The following TAF8 variants were observed in gnomAD, a reference collection of about 807,000 sequenced individuals.
TAF8 encodes the protein transcription initiation factor TFIID subunit 8.
Under a neutral mutation model 36.5 loss-of-function variants are expected in TAF8, and 47 were observed. The ratio of observed to expected loss-of-function variants is 1.29; its 90% CI spans 1.02 to 1.64. TAF8 has a LOEUF of 1.64. Ranked by LOEUF, TAF8 falls within the 40% of genes most tolerant of loss-of-function variation. TAF8 has a pLI of 0.00. For synonymous variants in TAF8, 175 were observed against 159.5 expected (o/e 1.10, Z -0.73); for missense variants, 420 against 407.6 (o/e 1.03, Z -0.26).
intron 5 of TAF8, among the ~76,000 whole-genome samples, chr6:42,064,706 C>T (rs1297388676): frequency 6.6e-6 from 1 of 151,944 alleles, no homozygotes; most frequent in African/African-American, 2.4e-5. Flanking sequence ...GCCTGTAATC[C>T]CAGCACTTTG....
rs183028083 is a variant in TAF8, at chr6:42,050,570, C to T, written c.29C>T (p.Ala10Val). The part of the protein sequence containing the change: MADAAATAG[A>V]GGSGTRSGSK... ...GCCGACGCGGCGGCCACAGCTGGGGCCGGTGGCTCCGGAACGGTAAGGGCA... is the reference window on the plus strand; with the variant it reads ...GCCGACGCGGCGGCCACAGCTGGGGTCGGTGGCTCCGGAACGGTAAGGGCA... The change falls in exon 1 of 9, where the codon GCC becomes GTC. Residue 10 changes from alanine (A) to valine (V), a missense_variant. Ala to Val is a moderately conservative substitution (Grantham distance 64). Coordinates refer to ENST00000372977, the MANE Select transcript of TAF8 (RefSeq NM_138572.3). The T allele has an allele frequency of 3.9e-5, 60 of 1,550,122 alleles. No homozygotes were observed. The highest frequency in any genetic ancestry group is 3.0e-4 in the Admixed American group (15 of 50,680).
chr6:42,057,374 G>A lies in TAF8; in HGVS notation c.365-15G>A. 6.2e-7 allele frequency: 1 copy of A among 1,614,006 alleles called. No individual in the cohort carries two copies. Among genetic ancestry groups the A allele is most frequent in the Non-Finnish European group, 8.5e-7 (1 of 1,180,004 alleles). ...GTCTTGGGTGGAGGGGTAATCAGTT[G>A]TGACTCTGTTGCAGCTCCGGTGACC... On this transcript the variant is annotated splice_polypyrimidine_tract_variant and intron_variant, in intron 4 of 8. Transcript: ENST00000372977.
chr6:42,075,162 T>C (rs1462561434), intron 7 of TAF8, among the ~76,000 whole-genome samples: 1 of 152,198 alleles, frequency 6.6e-6, no homozygotes, highest in Non-Finnish European at 1.5e-5. Context: ...AGCGAGGAGA[T>C]ACTACTCATT....
At chr6:42,075,034 A>G (rs1413331120) in intron 7 of TAF8, among the ~76,000 whole-genome samples, 2 of 152,012 alleles carry the variant, frequency 1.3e-5, no homozygotes, top group Non-Finnish European at 2.9e-5. Context: ...CGTTTTCAGC[A>G]CCTCTAACAG....
In TAF8 at chr6:42,056,558, C is replaced by T. The variant is rs561398325; in HGVS notation, c.364+544C>T. Among the ~76,000 whole-genome samples, 404 of 152,158 alleles carry T rather than the reference C, an allele frequency of 2.7e-3. 2 individuals are homozygous for T. Among genetic ancestry groups the T allele is most frequent in the African/African-American group, 9.2e-3 (383 of 41,486 alleles). On this transcript the variant is annotated intron_variant, in intron 4 of 8. Transcript: ENST00000372977. Reference sequence around the variant, plus strand: ...GTGCCATAAGCTGAGTAGAGAGTAACCAGTTTGGGCTTGTAGGACCTGGAG... The same window carrying T: ...GTGCCATAAGCTGAGTAGAGAGTAATCAGTTTGGGCTTGTAGGACCTGGAG...
chr6:42,055,291 A>G (rs1207138888), intron 2 of TAF8, among the ~76,000 whole-genome samples: 1 of 152,228 alleles, frequency 6.6e-6, no homozygotes, highest in Admixed American at 6.5e-5. Flanking sequence ...TTAAAGGCTG[A>G]ATAATATTCC....
At chr6:42,077,427 T>C in intron 8 of TAF8, 106 bp from the exon 9 acceptor site, 1 of 1,561,474 alleles carries the variant, frequency 6.4e-7, no homozygotes, top group Non-Finnish European at 8.7e-7. Context: ...TGGTTGAGTG[T>C]CCTGCAGTCT....
chr6:42,085,006 C>T (rs1369603767), downstream of TAF8, among the ~76,000 whole-genome samples: 1 of 152,202 alleles, frequency 6.6e-6, no homozygotes, highest in Non-Finnish European at 1.5e-5. Context: ...AGAGCAAAAG[C>T]TGTTCTGAGA....
Position 42,077,530 on chromosome 6 carries a change from T to C in TAF8, c.921-3T>C, listed in dbSNP as rs1765796336. On this transcript the variant is annotated splice_region_variant and splice_polypyrimidine_tract_variant and intron_variant, in intron 8 of 8. Transcript: ENST00000372977. ...GAGGCTCCATGGTTCCTCTTCTTTCTAGGTCCCTCTCCTGAGCTGAGAAGG... is the reference window on the plus strand; with the variant it reads ...GAGGCTCCATGGTTCCTCTTCTTTCCAGGTCCCTCTCCTGAGCTGAGAAGG... 2.5e-6 allele frequency: 4 copies of C among 1,612,864 alleles called. No homozygotes were observed. The highest frequency in any genetic ancestry group is 3.4e-6 in the Non-Finnish European group (4 of 1,179,586).
rs1167570900 is a variant in TAF8, at chr6:42,072,925, G to A, written c.781-4175G>A. 4.6e-5 allele frequency among the ~76,000 whole-genome samples: 7 copies of A among 151,366 alleles called. No individual in the cohort carries two copies. The East Asian group carries it at 7.7e-4, about 17-fold the overall frequency. ...TTTTTAGTAGAGGCGGGGTTTCACC[G>A]TGTTAGCCAGGATGGTCTCGATCTC... On this transcript the variant is annotated intron_variant, in intron 7 of 8. Transcript: ENST00000372977.
At position 42,078,939 on chromosome 6, in the gene TAF8, T is replaced by C. The variant is rs575827064; in HGVS notation, c.*1394T>C. 7 of 722,618 alleles carry C rather than the reference T, an allele frequency of 9.7e-6. No homozygotes were observed. The South Asian group carries it at 3.1e-4, about 32-fold the overall frequency. The allele number at this position is 722,618 out of a possible 1,614,324, so 44.8% of individuals were successfully genotyped here. A position where few individuals can be genotyped will look rare whatever the true frequency, so the allele number is the denominator to read the frequency against. On this transcript the variant is annotated 3_prime_UTR_variant, in exon 9 of 9. Transcript: ENST00000372977. ...GAGTTCGAGACCAGCCTGGCCAACA[T>C]AGTGAAACCCCGTCTCTACTAAAAA...
intron 7 of TAF8, among the ~76,000 whole-genome samples, chr6:42,072,554 G>C (rs775591184): frequency 6.6e-6 from 1 of 152,000 alleles, no homozygotes; most frequent in African/African-American, 2.4e-5. Flanking sequence ...GTATCTTGGC[G>C]GTCATTCCAC....
chr6:42,055,238 C>CA (rs1764935206), intron 2 of TAF8, among the ~76,000 whole-genome samples: 1 of 152,200 alleles, frequency 6.6e-6, no homozygotes, highest in Non-Finnish European at 1.5e-5. Context: ...ATAATGTTTT[C>CA]AAAGTTCATC....
Position 42,068,609 on chromosome 6 carries a change from TG to T in TAF8, c.780+5del. The T allele has an allele frequency of 6.2e-7, 1 of 1,612,412 alleles. No homozygotes were observed. On this transcript the variant is annotated splice_donor_region_variant and intron_variant, in intron 7 of 8. Transcript: ENST00000372977. ...AACCTTGCTCTTCATATCAGCATGGTGGGTTCCACCTTCTGCCTACCTCAGA... is the reference window on the plus strand; with the variant it reads ...AACCTTGCTCTTCATATCAGCATGGTGGTTCCACCTTCTGCCTACCTCAGA...
In TAF8 at chr6:42,059,043, G is replaced by C. The variant is rs190875846; in HGVS notation, c.489+1530G>C. On this transcript the variant is annotated intron_variant, in intron 5 of 8. Coordinates refer to ENST00000372977, the MANE Select transcript of TAF8 (RefSeq NM_138572.3). ...GTTTTTAAGGATAATGTGGTAGGTC[G>C]GGGGAAGCCAGTGAGCCAGGAGTGC... is the stretch of plus-strand genomic sequence containing the variant. 6.8e-3 allele frequency among the ~76,000 whole-genome samples: 1,032 copies of C among 152,156 alleles called. 15 individuals are homozygous for C. The highest frequency in any genetic ancestry group is 0.023 in the African/African-American group (959 of 41,506).
At chr6:42,085,773 T>C (rs1582258492), downstream of TAF8, among the ~76,000 whole-genome samples, 1 of 152,082 alleles carries the variant, frequency 6.6e-6, no homozygotes, top group Non-Finnish European at 1.5e-5. Context: ...TCACTTGAGG[T>C]CAGGAGTTCA....
intron 5 of TAF8, among the ~76,000 whole-genome samples, chr6:42,065,498 A>C (rs1765331319): frequency 6.6e-6 from 1 of 152,248 alleles, no homozygotes; most frequent in South Asian, 2.1e-4. Context: ...GTATAATAAG[A>C]TCTTCAGCCT....
At position 42,062,143 on chromosome 6, in the gene TAF8, A is replaced by G. The variant is rs561117808; in HGVS notation, c.490-4169A>G. On this transcript the variant is annotated intron_variant, in intron 5 of 8. Coordinates refer to ENST00000372977, the MANE Select transcript of TAF8 (RefSeq NM_138572.3). ...CATAAAAATCATCTTCAGAAGAGAA[A>G]AACAAATTTCATATTTGTACTAGCG... 2.6e-5 allele frequency among the ~76,000 whole-genome samples: 4 copies of G among 152,312 alleles called. No individual in the cohort carries two copies. The South Asian group carries it at 6.2e-4, about 24-fold the overall frequency.
downstream of TAF8, chr6:42,086,824 C>CA: frequency 7.1e-7 from 1 of 1,407,636 alleles, no homozygotes; most frequent in East Asian, 2.5e-5. Flanking sequence ...GAAAGACACA[C>CA]ACGGAAGCAA....
Sources: allele counts gnomAD v4.1 joint callset (sites outside exome capture counted in the v4.1 genomes callset), GRCh38; gene constraint gnomAD v4.1.1; transcripts MANE v1.5; gene names NCBI Gene and HGNC (gene_info 2026-07-23, HGNC 2026-07-21).